PTN: variants seen among roughly 807,000 people sequenced by gnomAD.
The protein encoded by PTN is pleiotrophin.
In PTN, 18 loss-of-function variants were observed where a neutral mutation model predicts 24.1. The ratio of observed to expected loss-of-function variants is 0.75; its 90% CI spans 0.52 to 1.11. The LOEUF (loss-of-function observed/expected upper bound fraction) is 1.11. PTN is among the 50% of genes least tolerant of loss of function. The pLI, the probability that PTN is intolerant of heterozygous loss-of-function variation, is 0.00. For synonymous variants in PTN, 78 were observed against 68.6 expected, an observed-to-expected ratio of 1.14 and a Z score of -0.67; for missense variants, 163 against 198.8, an observed-to-expected ratio of 0.82 and a Z score of 1.08.
intron 1 of PTN, among the ~76,000 whole-genome samples, chr7:137,315,777 G>C (rs193023742): frequency 6.6e-6 from 1 of 152,086 alleles, no homozygotes; most frequent in Admixed American, 6.6e-5. Flanking sequence ...TTGGAGCTGG[G>C]ACACTAGAAT....
intron 1 of PTN, among the ~76,000 whole-genome samples, chr7:137,260,357 T>G (rs996108255): frequency 9.9e-5 from 15 of 152,072 alleles, no homozygotes; most frequent in African/African-American, 3.4e-4. Context: ...GCTTAGCAAA[T>G]TATTGTAAGA....
intron 4 of PTN, among the ~76,000 whole-genome samples, chr7:137,238,901 A>G (rs759868839): frequency 5.9e-5 from 9 of 152,190 alleles, no homozygotes; most frequent in Non-Finnish European, 1.2e-4. Context: ...GAAAGCCTCA[A>G]TTTGGAAGTT....
At chr7:137,278,103 C>G (rs1018435510) in intron 1 of PTN, among the ~76,000 whole-genome samples, 1 of 150,786 alleles carries the variant, frequency 6.6e-6, no homozygotes, top group East Asian at 2.0e-4. Flanking sequence ...GTCAGGAGAT[C>G]GAGACCATCC....
chr7:137,260,119 G>C (rs917672950), intron 1 of PTN, among the ~76,000 whole-genome samples: 12 of 152,034 alleles, frequency 7.9e-5, no homozygotes, highest in Admixed American at 7.2e-4. Context: ...TCAATACCTG[G>C]GGATGTGTAA....
intron 1 of PTN, among the ~76,000 whole-genome samples, chr7:137,282,394 A>G (rs960781738): frequency 2.0e-5 from 3 of 152,188 alleles, no homozygotes; most frequent in African/African-American, 7.2e-5. Context: ...CAAATAGATG[A>G]CTTTATTATT....
intron 1 of PTN, among the ~76,000 whole-genome samples, chr7:137,333,512 G>A (rs111474433): frequency 2.0e-5 from 3 of 152,314 alleles, no homozygotes; most frequent in African/African-American, 7.2e-5. Flanking sequence ...CGTCTTCAAG[G>A]AAGTCACAAA....
At chr7:137,229,588 C>T (rs1808394320) in intron 4 of PTN, among the ~76,000 whole-genome samples, 2 of 151,742 alleles carry the variant, frequency 1.3e-5, no homozygotes, top group Admixed American at 6.6e-5. Flanking sequence ...TCTTCCTTTA[C>T]TCAAACTTCA....
intron 4 of PTN, among the ~76,000 whole-genome samples, chr7:137,245,880 G>C (rs1322873800): frequency 6.6e-6 from 1 of 152,196 alleles, no homozygotes; most frequent in East Asian, 1.9e-4. Flanking sequence ...GTTTGTTATA[G>C]CTATGCAATG....
intron 1 of PTN, among the ~76,000 whole-genome samples, chr7:137,294,516 A>G (rs1299597679): frequency 1.3e-5 from 2 of 152,280 alleles, no homozygotes; most frequent in Middle Eastern, 3.4e-3. Context: ...GCAGTCAAGT[A>G]TCTAGTCTGA....
chr7:137,302,812 T>G (rs1809827596), intron 1 of PTN, among the ~76,000 whole-genome samples: 1 of 151,990 alleles, frequency 6.6e-6, no homozygotes, highest in Non-Finnish European at 1.5e-5. Context: ...TGCCATTTAA[T>G]GGTAGGACAC....
At chr7:137,231,614 T>C (rs1454619315) in intron 4 of PTN, among the ~76,000 whole-genome samples, 2 of 151,974 alleles carry the variant, frequency 1.3e-5, no homozygotes, top group African/African-American at 4.8e-5. Flanking sequence ...GCCTGAGATA[T>C]AACAAGCATT....
chr7:137,237,620 C>T (rs991032397), intron 4 of PTN, among the ~76,000 whole-genome samples: 3 of 152,128 alleles, frequency 2.0e-5, no homozygotes, highest in East Asian at 1.9e-4. Context: ...GTTTTATGCT[C>T]ACCAGTGATT....
intron 1 of PTN, among the ~76,000 whole-genome samples, chr7:137,299,402 G>C (rs1479799054): frequency 6.6e-6 from 1 of 151,842 alleles, no homozygotes; most frequent in African/African-American, 2.4e-5. Context: ...TTTACAAATG[G>C]GGAAACTGAG....
At chr7:137,262,127 G>A (rs1288926925) in intron 1 of PTN, among the ~76,000 whole-genome samples, 1 of 152,000 alleles carries the variant, frequency 6.6e-6, no homozygotes, top group Non-Finnish European at 1.5e-5. Context: ...ATGCCCAAGG[G>A]ATTTTTTTCT....
At chr7:137,283,493 T>C (rs1008362087) in intron 1 of PTN, among the ~76,000 whole-genome samples, 2 of 152,186 alleles carry the variant, frequency 1.3e-5, no homozygotes, top group African/African-American at 4.8e-5. Flanking sequence ...ATTCAGAGTG[T>C]TGCTTTGGGA....
At chr7:137,298,453 A>G (rs567679931) in intron 1 of PTN, among the ~76,000 whole-genome samples, 1 of 152,006 alleles carries the variant, frequency 6.6e-6, no homozygotes, top group African/African-American at 2.4e-5. Flanking sequence ...AGGTTTTAAC[A>G]TAAAAATAAC....
intron 1 of PTN, among the ~76,000 whole-genome samples, chr7:137,267,453 C>T (rs377068577): frequency 6.6e-6 from 1 of 152,076 alleles, no homozygotes; most frequent in African/African-American, 2.4e-5. Context: ...AACTGGTCTG[C>T]GTGCCTTGGC....
intron 1 of PTN, among the ~76,000 whole-genome samples, chr7:137,324,433 A>AATATATATATATATATATATATATATAT (rs71176396): frequency 9.0e-5 from 8 of 88,710 alleles, no homozygotes; most frequent in African/African-American, 5.5e-4. Flanking sequence ...AAAAAAAAAA[A>AATATATATATATATATATATATATATAT]ATATATATAT....
intron 1 of PTN, among the ~76,000 whole-genome samples, chr7:137,275,650 A>T (rs181076697): frequency 0.099 from 14,812 of 149,132 alleles, 947 homozygotes; most frequent in South Asian, 0.29. Flanking sequence ...ATCTTTTTTT[A>T]AAAAAAAAAA....
Sources: allele counts gnomAD v4.1 joint callset (sites outside exome capture counted in the v4.1 genomes callset), GRCh38; gene constraint gnomAD v4.1.1; transcripts MANE v1.5; gene names NCBI Gene and HGNC (gene_info 2026-07-23, HGNC 2026-07-21).